The following IL1RAPL2 variants were observed in gnomAD, a reference collection of about 807,000 sequenced individuals.
The protein encoded by IL1RAPL2 is interleukin 1 receptor accessory protein like 2, also known as X-linked interleukin-1 receptor accessory protein-like 2.
Under a neutral mutation model 44.1 loss-of-function variants are expected in IL1RAPL2, and 3 were observed. That is an observed-to-expected ratio of 0.07 (90% CI 0.03 to 0.18). The LOEUF is 0.18. Ranked by LOEUF, IL1RAPL2 falls within the 10% of genes least tolerant of loss-of-function variation. The probability of loss-of-function intolerance (pLI) is 1.00; values close to 1 mark genes in which losing one functional copy is unlikely to be tolerated. For synonymous variants in IL1RAPL2, 181 were observed against 178.8 expected, an observed-to-expected ratio of 1.01 and a Z score of -0.10; for missense variants, 391 against 496.4, an observed-to-expected ratio of 0.79 and a Z score of 2.02.
chrX:104,906,715 T>C (rs1178412735), intron 2 of IL1RAPL2, among the ~76,000 whole-genome samples: 1 of 112,027 alleles, frequency 8.9e-6, no homozygotes, highest in African/African-American at 3.2e-5. Flanking sequence ...TGCCAGTATG[T>C]TATTGAAGAT....
At position 104,903,702 on chromosome X, in the gene IL1RAPL2, C is replaced by T. The variant is rs368174664; in HGVS notation, c.82+244707C>T. On this transcript the variant is annotated intron_variant, in intron 2 of 10. Coordinates refer to ENST00000372582, the MANE Select transcript of IL1RAPL2 (RefSeq NM_017416.2). ...AAGTGATTCTCCTGCCTCAGCCTCC[C>T]GAGTAGCTGGGACTACAGGCACGCA... Among the ~76,000 whole-genome samples, 160 of 110,585 alleles carry T rather than the reference C, an allele frequency of 1.4e-3. 1 individual carries two copies. Among genetic ancestry groups the T allele is most frequent in the African/African-American group, 4.9e-3 (149 of 30,404 alleles).
At chrX:105,583,211 T>TG (rs1273480888) in intron 6 of IL1RAPL2, among the ~76,000 whole-genome samples, 1 of 105,825 alleles carries the variant, frequency 9.4e-6, no homozygotes, top group Non-Finnish European at 2.0e-5. Flanking sequence ...CTCGGCTCTC[T>TG]GCAACCTCCG....
chrX:104,846,969 A>G (rs1451089404), intron 2 of IL1RAPL2, among the ~76,000 whole-genome samples: 8 of 111,980 alleles, frequency 7.1e-5, no homozygotes, highest in Non-Finnish European at 1.5e-4. Flanking sequence ...GTTTTTTCAC[A>G]TGTCTGTTGG....
Position 105,538,129 on chromosome X carries a change from T to A in IL1RAPL2, c.772+53742T>A, listed in dbSNP as rs998052055. 2.0e-5 allele frequency among the ~76,000 whole-genome samples: 2 copies of A among 102,014 alleles called. 1 individual carries two copies. Among genetic ancestry groups the A allele is most frequent in the South Asian group, 9.7e-4 (2 of 2,066 alleles). The allele number at this position is 102,014 out of a possible 115,157, so 88.6% of individuals were successfully genotyped here. A position where few individuals can be genotyped will look rare whatever the true frequency, so the allele number is the denominator to read the frequency against. Reference sequence around the variant, plus strand: ...TCGGCTCACTGCAAGCTCCGCCTCCTGGGTTCACGCCATTCTCCTGCCTCA... The same window carrying A: ...TCGGCTCACTGCAAGCTCCGCCTCCAGGGTTCACGCCATTCTCCTGCCTCA... On this transcript the variant is annotated intron_variant, in intron 6 of 10. Coordinates refer to ENST00000372582, the MANE Select transcript of IL1RAPL2 (RefSeq NM_017416.2).
intron 6 of IL1RAPL2, among the ~76,000 whole-genome samples, chrX:105,587,429 T>C (rs967719902): frequency 1.8e-5 from 2 of 111,697 alleles, no homozygotes; most frequent in Non-Finnish European, 3.8e-5. Context: ...TTATTTGTTT[T>C]TTCTGTTTAC....
chrX:105,561,433 C>T (rs1054969532), intron 6 of IL1RAPL2, among the ~76,000 whole-genome samples: 3 of 111,585 alleles, frequency 2.7e-5, no homozygotes, highest in African/African-American at 9.8e-5. Flanking sequence ...TTTGAAAGCC[C>T]AGACCTAGAC....
Position 105,748,966 on chromosome X carries a change from T to A in IL1RAPL2, c.1055T>A (p.Ile352Asn). The stretch of plus-strand genomic sequence containing the variant: ...TTTATTCTGTTCGCTCCAGATTTAA[T>A]CTATAAAATTGAGCTTGCAGGGGGC... ...ASVLLRKKDL[I>N]YKIELAGGLG... Residue 352 changes from isoleucine (I) to asparagine (N), a missense_variant, in exon 9 of 11, where the codon ATC becomes AAC. Ile to Asn is a moderately radical substitution (Grantham distance 149). Coordinates refer to ENST00000372582, the MANE Select transcript of IL1RAPL2 (RefSeq NM_017416.2). 1 of 1,209,013 alleles carries A rather than the reference T, an allele frequency of 8.3e-7. No individual in the cohort carries two copies. The highest frequency in any genetic ancestry group is 2.3e-4 in the Middle Eastern group (1 of 4,331).
intron 2 of IL1RAPL2, among the ~76,000 whole-genome samples, chrX:104,846,689 T>C (rs1326361617): frequency 2.7e-5 from 3 of 112,145 alleles, no homozygotes; most frequent in African/African-American, 9.7e-5. Context: ...AAGCATGATT[T>C]ATAATCCTTT....
intron 2 of IL1RAPL2, among the ~76,000 whole-genome samples, chrX:104,986,391 G>T (rs1279341017): frequency 8.9e-6 from 1 of 112,238 alleles, no homozygotes; most frequent in African/African-American, 3.2e-5. Flanking sequence ...TTTAGCTATT[G>T]TTATTATGTG....
intron 6 of IL1RAPL2, among the ~76,000 whole-genome samples, chrX:105,589,030 A>G (rs2147817553): frequency 9.0e-6 from 1 of 111,670 alleles, no homozygotes; most frequent in Non-Finnish European, 1.9e-5. Context: ...TTTTTTCTCC[A>G]CAACCTTGCC....
At chrX:105,416,926 C>A (rs1569437827) in intron 5 of IL1RAPL2, among the ~76,000 whole-genome samples, 1 of 112,361 alleles carries the variant, frequency 8.9e-6, no homozygotes, top group Non-Finnish European at 1.9e-5. Flanking sequence ...TCGGGTCCCA[C>A]ACCTAGGCGA....
At chrX:105,438,346 A>G (rs775077237) in intron 5 of IL1RAPL2, among the ~76,000 whole-genome samples, 15 of 111,686 alleles carry the variant, frequency 1.3e-4, no homozygotes, top group Admixed American at 6.7e-4. Flanking sequence ...AGCCTAACAT[A>G]TAAGATCCCG....
At chrX:105,593,084 C>G (rs950584292) in intron 6 of IL1RAPL2, among the ~76,000 whole-genome samples, 3 of 111,610 alleles carry the variant, frequency 2.7e-5, no homozygotes, top group African/African-American at 9.8e-5. Context: ...GTAGATTTGG[C>G]CTCTTTATAT....
chrX:105,364,687 T>TA (rs1269915308), intron 5 of IL1RAPL2, among the ~76,000 whole-genome samples: 3 of 111,141 alleles, frequency 2.7e-5, no homozygotes, highest in East Asian at 5.6e-4. Context: ...AATGACGTTT[T>TA]AAAAAAAATC....
intron 2 of IL1RAPL2, among the ~76,000 whole-genome samples, chrX:104,670,282 G>A (rs1602671451): frequency 9.0e-6 from 1 of 111,375 alleles, no homozygotes; most frequent in South Asian, 3.8e-4. Context: ...CAAAGAACCT[G>A]GAGTCTGACG....
chrX:104,594,572 T>C (rs189804729), intron 1 of IL1RAPL2, among the ~76,000 whole-genome samples: 1 of 111,905 alleles, frequency 8.9e-6, no homozygotes, highest in Non-Finnish European at 1.9e-5. Flanking sequence ...ATAAGACATA[T>C]GTGCTCCTGC....
intron 6 of IL1RAPL2, among the ~76,000 whole-genome samples, chrX:105,611,727 T>C (rs2037337827): frequency 8.9e-6 from 1 of 112,113 alleles, no homozygotes; most frequent in Non-Finnish European, 1.9e-5. Flanking sequence ...ATCCCCATCA[T>C]TAAGCAACAC....
At chrX:105,699,676 T>C (rs1261431392) in intron 6 of IL1RAPL2, among the ~76,000 whole-genome samples, 2 of 111,712 alleles carry the variant, frequency 1.8e-5, no homozygotes, top group African/African-American at 6.5e-5. Context: ...ACATCTCTGC[T>C]TTCCCTGTGA....
chrX:105,621,562 T>C (rs1480799592), intron 6 of IL1RAPL2, among the ~76,000 whole-genome samples: 1 of 111,637 alleles, frequency 9.0e-6, no homozygotes, highest in Non-Finnish European at 1.9e-5. Context: ...TTATTGCCTG[T>C]GATCCTTTCA....
Sources: gnomAD v4.1 joint callset for allele counts (sites outside exome capture counted in the v4.1 genomes callset) on GRCh38, gnomAD v4.1.1 for gene constraint, MANE v1.5 for transcripts, NCBI Gene and HGNC (gene_info 2026-07-23, HGNC 2026-07-21) for gene names.